Variants in OCA2 observed in about 807,000 individuals in gnomAD.
OCA2 encodes P protein.
In OCA2, 77 loss-of-function variants were observed where a neutral mutation model predicts 100.2. The ratio of observed to expected loss-of-function variants is 0.77; its 90% CI spans 0.64 to 0.93. The LOEUF (loss-of-function observed/expected upper bound fraction) is 0.93. Among genes scored for constraint, OCA2 ranks in the 40% least tolerant of loss-of-function variants. The pLI, the probability that OCA2 is intolerant of heterozygous loss-of-function variation, is 0.00. For synonymous variants in OCA2, 432 were observed against 439.2 expected, an observed-to-expected ratio of 0.98 and a Z score of 0.21; for missense variants, 1,062 against 1,089.1, an observed-to-expected ratio of 0.98 and a Z score of 0.35.
chr15:28,086,753 A>G (rs1443096922), intron 1 of OCA2, among the ~76,000 whole-genome samples: 1 of 152,248 alleles, frequency 6.6e-6, no homozygotes, highest in African/African-American at 2.4e-5. Flanking sequence ...GTCTCAGCAA[A>G]TAAGACTCAA....
chr15:27,792,027 T>C (rs936332147), intron 23 of OCA2, among the ~76,000 whole-genome samples: 1 of 152,172 alleles, frequency 6.6e-6, no homozygotes, highest in Non-Finnish European at 1.5e-5. Flanking sequence ...TGTCTCCACT[T>C]CCCATTGCCT....
chr15:27,734,151 CAA>C, the OCA2 span, among the ~76,000 whole-genome samples: 68,322 of 126,980 alleles, frequency 0.54, 17,168 homozygotes, highest in Admixed American at 0.58. Flanking sequence ...GGCTCTGTCT[CAA>C]AAAAAAAAAA....
At chr15:27,966,538 C>G in intron 15 of OCA2, 152 bp downstream of exon 15, 1 of 795,132 alleles carries the variant, frequency 1.3e-6, no homozygotes, top group Non-Finnish European at 2.2e-6. Flanking sequence ...GCCCTGAAAA[C>G]AGTGTATACT....
At chr15:28,056,942 T>C (rs7181038) in intron 2 of OCA2, among the ~76,000 whole-genome samples, 16,078 of 152,302 alleles carry the variant, frequency 0.11, 1,166 homozygotes, top group African/African-American at 0.21. Flanking sequence ...CTGGTGCATG[T>C]GTGACCTTGG....
intron 4 of OCA2, among the ~76,000 whole-genome samples, chr15:28,026,369 G>C (rs1488817492): frequency 2.0e-5 from 3 of 152,182 alleles, no homozygotes; most frequent in Non-Finnish European, 4.4e-5. Flanking sequence ...GGCATGAACA[G>C]TGTCAGCGTT....
At chr15:27,730,856 C>T in the OCA2 span, among the ~76,000 whole-genome samples, 46 of 149,304 alleles carry the variant, frequency 3.1e-4, no homozygotes, top group Non-Finnish European at 3.6e-4. Context: ...CAAGCCTAAA[C>T]GCAGCAGAAT....
At position 28,027,945 on chromosome 15, in the gene OCA2, C is replaced by CA. The variant is rs1057518192; in HGVS notation, c.440dup (p.Ser148ValfsTer73). ...CCTTCTCGGAGGAGGCAGATGCAGA[C>CA]AGACCAGACACCTCCCTGCTTAGCA... is the stretch of plus-strand genomic sequence containing the variant. On this transcript the variant is annotated frameshift_variant, in exon 4 of 24. Coordinates refer to ENST00000354638, the MANE Select transcript of OCA2 (RefSeq NM_000275.3). LOFTEE classifies it high-confidence loss of function. The CA allele has an allele frequency of 2.5e-6, 4 of 1,614,082 alleles. No homozygotes were observed. In the African/African-American group the frequency reaches 5.3e-5, roughly 22 times the overall value.
At chr15:28,040,959 G>C (rs1454496066) in intron 2 of OCA2, among the ~76,000 whole-genome samples, 4 of 152,084 alleles carry the variant, frequency 2.6e-5, no homozygotes, top group Non-Finnish European at 5.9e-5. Context: ...AAATTGAAAA[G>C]GAGGGCAAAC....
intron 18 of OCA2, among the ~76,000 whole-genome samples, chr15:27,935,160 A>G (rs977083994): frequency 6.6e-6 from 1 of 152,202 alleles, no homozygotes; most frequent in African/African-American, 2.4e-5. Flanking sequence ...TACAAATTCT[A>G]ACAATGTGTC....
At chr15:27,981,416 T>C (rs554883422) in intron 14 of OCA2, among the ~76,000 whole-genome samples, 4 of 152,238 alleles carry the variant, frequency 2.6e-5, no homozygotes, top group Non-Finnish European at 4.4e-5. Context: ...CTGTGTGTTG[T>C]TGAATATTTT....
intron 19 of OCA2, among the ~76,000 whole-genome samples, chr15:27,899,463 T>C (rs1250461884): frequency 6.6e-6 from 1 of 152,242 alleles, no homozygotes; most frequent in Non-Finnish European, 1.5e-5. Context: ...ATGATTAGGT[T>C]AGAAATCCTA....
intron 23 of OCA2, among the ~76,000 whole-genome samples, chr15:27,801,443 T>C (rs1037791557): frequency 6.7e-6 from 1 of 149,174 alleles, no homozygotes; most frequent in Non-Finnish European, 1.5e-5. Context: ...TCCCAGCTAC[T>C]TGGGAGGCTG....
chr15:27,844,979 G>C lies in OCA2; in HGVS notation c.2412C>G (p.Phe804Leu), dbSNP rs747340554. Residue 804 changes from phenylalanine (F) to leucine (L), a missense_variant, in exon 23 of 24, where the codon TTC (phenylalanine) becomes TTG (leucine). Transcript: ENST00000354638. ...AGIAEQHGYG[F>L]SFMEFFRLGF... Reference sequence around the variant, plus strand: ...AGTACCTGAAAAATTCCATGAAGGAGAACCCATATCCATGCTGTTCTGCAA... The same window carrying C: ...AGTACCTGAAAAATTCCATGAAGGACAACCCATATCCATGCTGTTCTGCAA... The C allele has an allele frequency of 1.2e-4, 198 of 1,613,342 alleles. 2 individuals carry two copies. In the South Asian group the frequency reaches 2.1e-3, roughly 17 times the overall value.
Position 27,975,080 on chromosome 15 carries a change from C to T in OCA2, c.1504-8258G>A, listed in dbSNP as rs113833080. On this transcript the variant is annotated intron_variant, in intron 14 of 23. Coordinates refer to ENST00000354638, the MANE Select transcript of OCA2 (RefSeq NM_000275.3). Reference sequence around the variant, plus strand: ...TTTTCTACGTGGCTTGGTAGAAACACAGCCAGTGTCTGTCTTGGGTCATAT... The same window carrying T: ...TTTTCTACGTGGCTTGGTAGAAACATAGCCAGTGTCTGTCTTGGGTCATAT... 2.1e-3 allele frequency among the ~76,000 whole-genome samples: 319 copies of T among 152,322 alleles called. 2 individuals carry two copies. Among genetic ancestry groups the T allele is most frequent in the African/African-American group, 7.3e-3 (304 of 41,578 alleles).
chr15:27,748,292 T>G, the OCA2 span, among the ~76,000 whole-genome samples: 2 of 152,168 alleles, frequency 1.3e-5, no homozygotes, highest in Non-Finnish European at 2.9e-5. Context: ...ATGCTCATGG[T>G]CGGCACTGCT....
intron 21 of OCA2, among the ~76,000 whole-genome samples, chr15:27,855,209 C>A (rs2035906744): frequency 6.6e-6 from 1 of 152,226 alleles, no homozygotes; most frequent in African/African-American, 2.4e-5. Context: ...CTTGATCAAG[C>A]TCTCCTTCCC....
At chr15:27,791,489 G>A (rs1018058604) in intron 23 of OCA2, among the ~76,000 whole-genome samples, 24 of 152,172 alleles carry the variant, frequency 1.6e-4, no homozygotes, top group African/African-American at 4.6e-4. Flanking sequence ...GTGGCCAGTG[G>A]TTGCTCGGGG....
Position 27,917,471 on chromosome 15 carries a change from C to T in OCA2, c.2079+8656G>A, listed in dbSNP as rs190622698. On this transcript the variant is annotated intron_variant, in intron 19 of 23. Coordinates refer to ENST00000354638, the MANE Select transcript of OCA2 (RefSeq NM_000275.3). ...CATCATGTGAACTATAACCTGTTCG[C>T]CTGAATTGGAAGAGTCCTTCCTGGA... Among the ~76,000 whole-genome samples the T allele has an allele frequency of 1.5e-3, 236 of 152,268 alleles. 1 individual carries two copies. Among genetic ancestry groups the T allele is most frequent in the Non-Finnish European group, 2.6e-3 (177 of 68,028 alleles).
chr15:28,056,217 T>A (rs947331602), intron 2 of OCA2, among the ~76,000 whole-genome samples: 1 of 152,138 alleles, frequency 6.6e-6, no homozygotes, highest in Non-Finnish European at 1.5e-5. Flanking sequence ...GCTTCCCATG[T>A]AGAAACAGCG....
Sources: allele counts gnomAD v4.1 joint callset (sites outside exome capture counted in the v4.1 genomes callset), GRCh38; gene constraint gnomAD v4.1.1; transcripts MANE v1.5; gene names NCBI Gene and HGNC (gene_info 2026-07-23, HGNC 2026-07-21).